The following MCM8 variants were observed in gnomAD, a reference collection of about 807,000 sequenced individuals.
MCM8 encodes the protein minichromosome maintenance 8 homologous recombination repair factor, also known as DNA helicase MCM8.
MCM8 carries 85 observed loss-of-function variants against 98.9 expected under a neutral mutation model. The ratio of observed to expected loss-of-function variants is 0.86; its 90% CI spans 0.72 to 1.03. MCM8 has a LOEUF of 1.03. MCM8 is among the 50% of genes least tolerant of loss of function. MCM8 has a pLI of 0.00. For missense variants in MCM8, 951 were observed against 997.8 expected, an observed-to-expected ratio of 0.95 and a Z score of 0.63; for synonymous variants, 352 against 338.6, an observed-to-expected ratio of 1.04 and a Z score of -0.44.
At chr20:5,965,414 C>T (rs185425939) in intron 8 of MCM8, 1 of 152,314 alleles carries the variant, frequency 6.6e-6, no homozygotes, top group African/African-American at 2.4e-5. Context: ...GAATAATTAA[C>T]ATAAAACCTC....
chr20:5,955,044 T>C, intron 4 of MCM8, 58 bp from the exon 5 acceptor site: 3 of 1,209,504 alleles, frequency 2.5e-6, no homozygotes, highest in Non-Finnish European at 3.6e-6. Flanking sequence ...GAATGCTCAG[T>C]TAATGGTAAT....
rs1436719454 is a variant in MCM8 at position 5,997,883 on chromosome 20, C to G, written c.*3492C>G. ...TGTGAGCCACCATGCCCAGCCTCCT[C>G]TCTTTTCCAATATTGTGTTAAGTAA... is the stretch of plus-strand genomic sequence containing the variant. On this transcript the variant is annotated 3_prime_UTR_variant, in exon 19 of 19. Coordinates refer to ENST00000610722, the MANE Select transcript of MCM8 (RefSeq NM_032485.6). 1 of 152,244 alleles carries G rather than the reference C, an allele frequency of 6.6e-6. No individual in the cohort carries two copies. The highest frequency in any genetic ancestry group is 1.5e-5 in the Non-Finnish European group (1 of 68,064). 9.4% of individuals were successfully genotyped at this position (152,244 alleles called of 1,614,324 possible).
chr20:5,969,610 A>G (rs1175433454), intron 10 of MCM8, among the ~76,000 whole-genome samples: 2 of 149,106 alleles, frequency 1.3e-5, no homozygotes, highest in African/African-American at 5.0e-5. Context: ...AAAAAAAAAA[A>G]GTGATTTTGT....
intron 5 of MCM8, among the ~76,000 whole-genome samples, chr20:5,956,409 ATGTT>A (rs953559173): frequency 1.3e-5 from 2 of 152,066 alleles, no homozygotes; most frequent in South Asian, 2.1e-4. Context: ...GTGGTATTAA[ATGTT>A]TGTTTGTTGT....
intron 12 of MCM8, among the ~76,000 whole-genome samples, chr20:5,976,355 A>G (rs958884011): frequency 1.3e-5 from 2 of 152,156 alleles, no homozygotes; most frequent in Non-Finnish European, 2.9e-5. Flanking sequence ...AGTTATAGAG[A>G]AACGCCACAC....
At chr20:5,961,633 C>G (rs1381599801) in intron 7 of MCM8, among the ~76,000 whole-genome samples, 1 of 152,080 alleles carries the variant, frequency 6.6e-6, no homozygotes, top group Non-Finnish European at 1.5e-5. Flanking sequence ...TGATTTAAAC[C>G]AGATATTTTC....
intron 12 of MCM8, among the ~76,000 whole-genome samples, chr20:5,975,947 C>G (rs2044642757): frequency 6.6e-6 from 1 of 152,118 alleles, no homozygotes; most frequent in Non-Finnish European, 1.5e-5. Context: ...AAAATAGAAT[C>G]TGTAATGTTA....
At chr20:5,965,806 A>G (rs976723581) in intron 8 of MCM8, among the ~76,000 whole-genome samples, 1 of 151,962 alleles carries the variant, frequency 6.6e-6, no homozygotes, top group African/African-American at 2.4e-5. Context: ...TTTCACCATA[A>G]TTTTCCATTC....
In MCM8 at chr20:5,958,511, TC is replaced by T. The variant is rs776312792; in HGVS notation, c.591-15del. The T allele has an allele frequency of 1.1e-4, 171 of 1,594,876 alleles. 1 individual carries two copies. The highest frequency in any genetic ancestry group is 1.4e-4 in the Non-Finnish European group (159 of 1,168,324). ...AAACATCAATTTTCTGTTCATTACT[TC>T]CTGTTTTGTCTTTAGGGTGTACAAC... On this transcript the variant is annotated splice_polypyrimidine_tract_variant and intron_variant, in intron 6 of 18. Coordinates refer to ENST00000610722, the MANE Select transcript of MCM8 (RefSeq NM_032485.6).
At chr20:5,977,308 A>G (rs943059993) in intron 12 of MCM8, among the ~76,000 whole-genome samples, 2 of 152,220 alleles carry the variant, frequency 1.3e-5, no homozygotes, top group African/African-American at 4.8e-5. Flanking sequence ...GTGATAAAAC[A>G]TAAGGAAGCT....
intron 17 of MCM8, among the ~76,000 whole-genome samples, chr20:5,987,800 A>T (rs1457743582): frequency 6.6e-6 from 1 of 152,166 alleles, no homozygotes; most frequent in Non-Finnish European, 1.5e-5. Context: ...CCCTATTGAC[A>T]CATAAATATT....
At chr20:5,976,151 G>T (rs140814089) in intron 12 of MCM8, among the ~76,000 whole-genome samples, 1 of 152,182 alleles carries the variant, frequency 6.6e-6, no homozygotes, top group African/African-American at 2.4e-5. Context: ...AAAAAATTAG[G>T]TGTGGTGGCA....
intron 7 of MCM8, among the ~76,000 whole-genome samples, chr20:5,960,686 A>G (rs1423944087): frequency 2.6e-5 from 4 of 152,170 alleles, no homozygotes; most frequent in African/African-American, 7.2e-5. Context: ...CTGTAATCTC[A>G]GCACTTTGGG....
chr20:5,954,309 T>C lies in MCM8; in HGVS notation c.254-299T>C, dbSNP rs546900910. On this transcript the variant is annotated intron_variant, in intron 3 of 18. Transcript: ENST00000610722. ...TATTATAATTTTTAGTTTAAGCTTA[T>C]TGTCTAAATTATCTGAACTAACATG... 2.4e-4 allele frequency among the ~76,000 whole-genome samples: 37 copies of C among 152,320 alleles called. No individual in the cohort carries two copies. The South Asian group carries it at 7.7e-3, about 32-fold the overall frequency.
At chr20:5,960,411 G>A (rs1808018010) in intron 7 of MCM8, among the ~76,000 whole-genome samples, 1 of 152,044 alleles carries the variant, frequency 6.6e-6, no homozygotes, top group Non-Finnish European at 1.5e-5. Flanking sequence ...TTCCCACGTA[G>A]TTGGGACTAC....
chr20:5,974,749 A>T (rs1458847240), intron 12 of MCM8, among the ~76,000 whole-genome samples: 1 of 152,190 alleles, frequency 6.6e-6, no homozygotes, highest in East Asian at 1.9e-4. Context: ...ACTGTCCTTC[A>T]TATCTGAGTC....
chr20:5,972,379 T>C (rs1292429460), intron 11 of MCM8, among the ~76,000 whole-genome samples: 1 of 151,792 alleles, frequency 6.6e-6, no homozygotes, highest in Non-Finnish European at 1.5e-5. Flanking sequence ...CTAATTTTTT[T>C]GTATTTTTTG....
intron 12 of MCM8, among the ~76,000 whole-genome samples, chr20:5,974,545 G>A (rs1213856344): frequency 6.6e-6 from 1 of 152,190 alleles, no homozygotes; most frequent in Non-Finnish European, 1.5e-5. Flanking sequence ...TTTTTCCAAG[G>A]ATTGGGATCC....
In MCM8 at chr20:5,993,599, ATT is replaced by A. The variant is rs754129087; in HGVS notation, c.2336_2337del (p.Phe779TyrfsTer9). The stretch of plus-strand genomic sequence containing the variant: ...TGAGCAACAGGTCAACAGCGAAAAG[ATT>A]TATTTCTGCTCTCAACAACGTTGCT... ...GMSNRSTAKR[F>X]ISALNNVAER... On this transcript the variant is annotated frameshift_variant, in exon 18 of 19. Coordinates refer to ENST00000610722, the MANE Select transcript of MCM8 (RefSeq NM_032485.6). LOFTEE classifies it high-confidence loss of function. 6.2e-7 allele frequency: 1 copy of A among 1,612,658 alleles called. No homozygotes were observed. Among genetic ancestry groups the A allele is most frequent in the South Asian group, 1.1e-5 (1 of 90,900 alleles).
Sources: allele counts gnomAD v4.1 joint callset (sites outside exome capture counted in the v4.1 genomes callset), GRCh38; gene constraint gnomAD v4.1.1; transcripts MANE v1.5; gene names NCBI Gene and HGNC (gene_info 2026-07-23, HGNC 2026-07-21).